CACNB4: variants seen among roughly 807,000 people sequenced by gnomAD.
CACNB4 encodes the protein voltage-dependent L-type calcium channel subunit beta-4.
In CACNB4, 32 loss-of-function variants were observed where a neutral mutation model predicts 71.2. That is an observed-to-expected ratio of 0.45 (90% CI 0.34 to 0.60). CACNB4 has a LOEUF of 0.60. CACNB4 is among the 20% of genes least tolerant of loss of function. The pLI is 0.01. For missense variants in CACNB4, 464 were observed against 647.9 expected (o/e 0.72, Z 3.08); for synonymous variants, 231 against 236.9 (o/e 0.97, Z 0.23).
At chr2:151,884,634 C>CAAAAAAAA (rs35506114) in intron 2 of CACNB4, among the ~76,000 whole-genome samples, 1 of 61,508 alleles carries the variant, frequency 1.6e-5, no homozygotes, top group Non-Finnish European at 2.9e-5. Flanking sequence ...GACTCCGTCT[C>CAAAAAAAA]AAAAAAAAAA....
At chr2:151,950,290 A>AAGATGCACAGAGTT (rs1292239775) in intron 2 of CACNB4, among the ~76,000 whole-genome samples, 1 of 152,170 alleles carries the variant, frequency 6.6e-6, no homozygotes, top group African/African-American at 2.4e-5. Context: ...GCCTTGTTCC[A>AAGATGCACAGAGTT]AGATGCACAG....
intron 2 of CACNB4, among the ~76,000 whole-genome samples, chr2:152,005,577 G>A (rs185380680): frequency 1.2e-3 from 189 of 152,268 alleles, no homozygotes; most frequent in African/African-American, 4.4e-3. Context: ...TCATGATCTG[G>A]GTGAAGGGAT....
At chr2:151,965,825 AG>A (rs2099870953) in intron 2 of CACNB4, among the ~76,000 whole-genome samples, 1 of 152,200 alleles carries the variant, frequency 6.6e-6, no homozygotes, top group Non-Finnish European at 1.5e-5. Flanking sequence ...CAAGCGAACA[AG>A]CAATAGACAA....
intron 2 of CACNB4, among the ~76,000 whole-genome samples, chr2:152,030,315 T>C (rs1030857035): frequency 2.0e-5 from 3 of 152,240 alleles, no homozygotes; most frequent in African/African-American, 4.8e-5. Flanking sequence ...ACTAGATTTA[T>C]GTTTACATTT....
intron 2 of CACNB4, among the ~76,000 whole-genome samples, chr2:151,894,818 GATA>G (rs776054311): frequency 6.6e-6 from 1 of 151,692 alleles, no homozygotes; most frequent in Non-Finnish European, 1.5e-5. Flanking sequence ...ATAGTTACAA[GATA>G]ATAATAATAA....
At chr2:152,064,444 G>A (rs1473336681) in intron 2 of CACNB4, among the ~76,000 whole-genome samples, 7 of 152,240 alleles carry the variant, frequency 4.6e-5, no homozygotes, top group South Asian at 2.1e-4. Flanking sequence ...GCAGTGTTGC[G>A]ATCTCAGCTC....
chr2:151,938,891 A>G (rs946431528), intron 2 of CACNB4, among the ~76,000 whole-genome samples: 1 of 152,216 alleles, frequency 6.6e-6, no homozygotes, highest in African/African-American at 2.4e-5. Context: ...TTTCTGTTGA[A>G]AGGAGAGATG....
chr2:152,020,689 G>C (rs1418292889), intron 2 of CACNB4, among the ~76,000 whole-genome samples: 1 of 152,186 alleles, frequency 6.6e-6, no homozygotes, highest in Non-Finnish European at 1.5e-5. Context: ...AAGTTGAAGA[G>C]CATAACCAAC....
intron 2 of CACNB4, among the ~76,000 whole-genome samples, chr2:151,931,121 TAAACCTATAA>T (rs940692298): frequency 6.6e-6 from 1 of 152,212 alleles, no homozygotes; most frequent in African/African-American, 2.4e-5. Flanking sequence ...TTAAAATATA[TAAACCTATAA>T]ACCCATTTCC....
intron 2 of CACNB4, among the ~76,000 whole-genome samples, chr2:151,904,041 T>C (rs2099854143): frequency 6.6e-6 from 1 of 152,198 alleles, no homozygotes; most frequent in Non-Finnish European, 1.5e-5. Context: ...GCATTCATCC[T>C]AAAAAATGTA....
intron 2 of CACNB4, among the ~76,000 whole-genome samples, chr2:151,998,003 A>G (rs1682161246): frequency 6.6e-6 from 1 of 152,136 alleles, no homozygotes; most frequent in South Asian, 2.1e-4. Context: ...AGTCTACTCT[A>G]CCTTCCAGAA....
chr2:151,949,248 A>G (rs974989143), intron 2 of CACNB4, among the ~76,000 whole-genome samples: 3 of 151,848 alleles, frequency 2.0e-5, no homozygotes, highest in Admixed American at 1.3e-4. Flanking sequence ...CACTCAGTTC[A>G]GTCAACAACT....
intron 2 of CACNB4, among the ~76,000 whole-genome samples, chr2:151,922,557 A>G (rs1404569995): frequency 6.6e-6 from 1 of 152,208 alleles, no homozygotes; most frequent in Non-Finnish European, 1.5e-5. Flanking sequence ...CACAGATTCC[A>G]GGGATTAGTA....
At chr2:152,092,092 C>A (rs1035962230) in intron 2 of CACNB4, among the ~76,000 whole-genome samples, 4 of 152,156 alleles carry the variant, frequency 2.6e-5, no homozygotes, top group African/African-American at 9.7e-5. Flanking sequence ...AGAGTCTGAG[C>A]CAGGATCCCT....
intron 6 of CACNB4, 108 bp from the exon 7 acceptor site, chr2:151,870,969 C>A: frequency 1.3e-6 from 1 of 764,538 alleles, no homozygotes. Context: ...TAATTATCTT[C>A]ACCACCTTCC....
rs78925127 is a variant in CACNB4 at position 152,042,938 on chromosome 2, C to G, written c.147+55392G>C. Among the ~76,000 whole-genome samples, 866 of 152,252 alleles carry G rather than the reference C, an allele frequency of 5.7e-3. 6 individuals carry two copies. The highest frequency in any genetic ancestry group is 0.02 in the African/African-American group (830 of 41,546). ...AAACCAAGATGGAGAGGAGCGTGAC[C>G]TCTGCTCGGTCTCACAGCTCATTAT... On this transcript the variant is annotated intron_variant, in intron 2 of 13. Transcript: ENST00000539935.
intron 2 of CACNB4, among the ~76,000 whole-genome samples, chr2:151,983,577 G>T (rs2099875085): frequency 3.9e-5 from 6 of 151,996 alleles, no homozygotes; most frequent in African/African-American, 1.4e-4. Flanking sequence ...CATTGGTACT[G>T]ATAGAAAGTA....
At chr2:151,863,693 T>C (rs1231006951) in intron 9 of CACNB4, among the ~76,000 whole-genome samples, 2 of 152,168 alleles carry the variant, frequency 1.3e-5, no homozygotes, top group Non-Finnish European at 2.9e-5. Flanking sequence ...AAAAGTACTT[T>C]TACAAAGCTA....
At chr2:151,999,212 C>A (rs61039425) in intron 2 of CACNB4, among the ~76,000 whole-genome samples, 1,527 of 152,210 alleles carry the variant, frequency 0.01, 31 homozygotes, top group African/African-American at 0.035. Context: ...CAGCTCCAGC[C>A]CAGAACGGTG....
Sources: allele counts gnomAD v4.1 joint callset (sites outside exome capture counted in the v4.1 genomes callset), GRCh38; gene constraint gnomAD v4.1.1; transcripts MANE v1.5; gene names NCBI Gene and HGNC (gene_info 2026-07-23, HGNC 2026-07-21).